The following ADGRB3 variants were observed in gnomAD, a reference collection of about 807,000 sequenced individuals.
The protein encoded by ADGRB3 is brain-specific angiogenesis inhibitor 3.
ADGRB3 carries 37 observed loss-of-function variants against 193.4 expected under a neutral mutation model. The ratio of observed to expected loss-of-function variants is 0.19; its 90% CI spans 0.15 to 0.25. The LOEUF is 0.25. Ranked by LOEUF, ADGRB3 falls within the 10% of genes least tolerant of loss-of-function variation. The pLI, the probability that ADGRB3 is intolerant of heterozygous loss-of-function variation, is 1.00. For missense variants in ADGRB3, 1,637 were observed against 1,852.9 expected, an observed-to-expected ratio of 0.88 and a Z score of 2.14; for synonymous variants, 690 against 644.2, an observed-to-expected ratio of 1.07 and a Z score of -1.08.
intron 17 of ADGRB3, among the ~76,000 whole-genome samples, chr6:69,135,285 C>T (rs1312616868): frequency 1.1e-5 from 1 of 94,704 alleles, no homozygotes; most frequent in African/African-American, 3.0e-5. Flanking sequence ...AAAATCACAA[C>T]TACTTTTTTT....
intron 8 of ADGRB3, among the ~76,000 whole-genome samples, chr6:68,958,213 T>A (rs977320753): frequency 1.3e-5 from 2 of 151,488 alleles, no homozygotes; most frequent in African/African-American, 4.9e-5. Context: ...AAAAAAAAAA[T>A]CTAAAATTAC....
chr6:68,911,209 T>A (rs1352158590), intron 3 of ADGRB3, among the ~76,000 whole-genome samples: 1 of 139,314 alleles, frequency 7.2e-6, no homozygotes, highest in Non-Finnish European at 1.5e-5. Context: ...TAGGTGGGAA[T>A]TGAACAATGG....
intron 13 of ADGRB3, among the ~76,000 whole-genome samples, chr6:69,038,790 T>A (rs1223045638): frequency 3.3e-5 from 5 of 152,230 alleles, no homozygotes; most frequent in Non-Finnish European, 5.9e-5. Context: ...GATATTTCTC[T>A]TTAAAGAATA....
intron 3 of ADGRB3, among the ~76,000 whole-genome samples, chr6:68,788,976 A>C (rs1020156517): frequency 1.2e-4 from 18 of 151,270 alleles, no homozygotes; most frequent in South Asian, 2.1e-4. Context: ...GGGATTGCAA[A>C]CCCTGCCTTT....
chr6:69,040,707 A>AAAC (rs1399100364), intron 13 of ADGRB3, among the ~76,000 whole-genome samples: 6 of 60,390 alleles, frequency 9.9e-5, no homozygotes, highest in African/African-American at 4.1e-4. Flanking sequence ...AAAAAAAAAA[A>AAAC]AACAAACAAG....
chr6:69,135,881 C>T (rs778205307), intron 17 of ADGRB3, among the ~76,000 whole-genome samples: 1 of 152,032 alleles, frequency 6.6e-6, no homozygotes, highest in Non-Finnish European at 1.5e-5. Context: ...GAAAGTAAAA[C>T]AGAAAATGCT....
intron 17 of ADGRB3, among the ~76,000 whole-genome samples, chr6:69,150,981 C>T (rs781749100): frequency 1.3e-5 from 2 of 152,184 alleles, no homozygotes; most frequent in African/African-American, 4.8e-5. Flanking sequence ...ATCCAAGTTG[C>T]AAAACAAAGT....
intron 20 of ADGRB3, among the ~76,000 whole-genome samples, chr6:69,254,053 A>T (rs1766690961): frequency 6.6e-6 from 1 of 152,204 alleles, no homozygotes; most frequent in South Asian, 2.1e-4. Flanking sequence ...TTCTGAAATT[A>T]AAAAAGTAAT....
intron 17 of ADGRB3, among the ~76,000 whole-genome samples, chr6:69,161,147 A>C (rs945307107): frequency 2.0e-5 from 3 of 152,106 alleles, no homozygotes; most frequent in African/African-American, 7.2e-5. Context: ...AATGGTTATA[A>C]TAAAGCCTAA....
At chr6:68,865,762 G>C (rs542737) in intron 3 of ADGRB3, among the ~76,000 whole-genome samples, 67,660 of 151,530 alleles carry the variant, frequency 0.45, 16,385 homozygotes, top group East Asian at 0.59. Context: ...TGCACCTTCT[G>C]TCTACCTTCC....
chr6:69,087,437 AG>A (rs1172529498), intron 17 of ADGRB3, among the ~76,000 whole-genome samples: 2 of 152,128 alleles, frequency 1.3e-5, no homozygotes, highest in Non-Finnish European at 2.9e-5. Context: ...GTTATGAGGG[AG>A]GGGGACATCT....
intron 6 of ADGRB3, 135 bp from the exon 7 acceptor site, chr6:68,955,889 G>C (rs558869261): frequency 2.7e-6 from 2 of 744,382 alleles, no homozygotes; most frequent in Non-Finnish European, 4.1e-6. Context: ...TCTCATGCTG[G>C]TGTGACCTTC....
intron 17 of ADGRB3, among the ~76,000 whole-genome samples, chr6:69,128,982 C>A (rs976507392): frequency 6.6e-6 from 1 of 152,128 alleles, no homozygotes; most frequent in African/African-American, 2.4e-5. Context: ...GTTATAAGTC[C>A]TTTCCCCATG....
chr6:69,023,266 C>T (rs1770324938), intron 13 of ADGRB3, among the ~76,000 whole-genome samples: 1 of 152,096 alleles, frequency 6.6e-6, no homozygotes, highest in African/African-American at 2.4e-5. Context: ...AAAAGAATTA[C>T]ATAAATAAAT....
intron 3 of ADGRB3, among the ~76,000 whole-genome samples, chr6:68,844,232 C>A (rs760351286): frequency 1.3e-5 from 2 of 151,582 alleles, no homozygotes; most frequent in African/African-American, 4.8e-5. Context: ...AATGAAGAGA[C>A]AACTCACAGA....
At chr6:69,235,659 C>A (rs538737657) in intron 19 of ADGRB3, among the ~76,000 whole-genome samples, 1 of 151,910 alleles carries the variant, frequency 6.6e-6, no homozygotes, top group Non-Finnish European at 1.5e-5. Context: ...TGAGTGTGTC[C>A]AAGAAGTCAG....
chr6:69,281,785 C>T (rs574505269), intron 20 of ADGRB3, among the ~76,000 whole-genome samples: 1 of 152,184 alleles, frequency 6.6e-6, no homozygotes, highest in South Asian at 2.1e-4. Context: ...GTGTTGGGTG[C>T]CAATTGAAAT....
chr6:68,780,529 G>A (rs993136706), intron 3 of ADGRB3, among the ~76,000 whole-genome samples: 4 of 152,026 alleles, frequency 2.6e-5, no homozygotes, highest in African/African-American at 9.7e-5. Flanking sequence ...CCGCTTGAGA[G>A]TACATGTTTG....
At chr6:69,327,589 G>A (rs1262462565) in intron 21 of ADGRB3, among the ~76,000 whole-genome samples, 5 of 152,184 alleles carry the variant, frequency 3.3e-5, no homozygotes, top group African/African-American at 1.2e-4. Context: ...CGTGTCAAAT[G>A]TGGTGGTAAC....
Sources: gnomAD v4.1 joint callset for allele counts (sites outside exome capture counted in the v4.1 genomes callset) on GRCh38, gnomAD v4.1.1 for gene constraint, MANE v1.5 for transcripts, NCBI Gene and HGNC (gene_info 2026-07-23, HGNC 2026-07-21) for gene names.